Variants in VTA1 observed in about 807,000 individuals in gnomAD.
The protein encoded by VTA1 is vacuolar protein sorting-associated protein VTA1 homolog.
Under a neutral mutation model 36.9 loss-of-function variants are expected in VTA1, and 24 were observed. That is an observed-to-expected ratio of 0.65 (90% CI 0.47 to 0.91). The LOEUF is 0.91. Ranked by LOEUF, VTA1 falls within the 40% of genes least tolerant of loss-of-function variation. VTA1 has a pLI of 0.00. For missense variants in VTA1, 393 were observed against 377.2 expected (o/e 1.04, Z -0.35); for synonymous variants, 142 against 130.2 (o/e 1.09, Z -0.62).
intron 1 of VTA1, among the ~76,000 whole-genome samples, chr6:142,154,164 A>C (rs1424729600): frequency 6.6e-6 from 1 of 151,932 alleles, no homozygotes; most frequent in African/African-American, 2.4e-5. Flanking sequence ...CCTTTTCGCT[A>C]CCTCACCCCC....
At chr6:142,196,161 A>G (rs1233734283) in intron 5 of VTA1, among the ~76,000 whole-genome samples, 2 of 152,160 alleles carry the variant, frequency 1.3e-5, no homozygotes, top group East Asian at 1.9e-4. Flanking sequence ...ACATCCCACT[A>G]TATCTTGCTG....
chr6:142,147,491 C>G (rs1778471687), intron 1 of VTA1, 92 bp downstream of exon 1: 1 of 1,314,490 alleles, frequency 7.6e-7, no homozygotes, highest in East Asian at 2.5e-5. Context: ...TGCCCCGCCC[C>G]CCTCGCTTTA....
chr6:142,152,075 C>T (rs1778579539), intron 1 of VTA1, among the ~76,000 whole-genome samples: 1 of 151,568 alleles, frequency 6.6e-6, no homozygotes. Flanking sequence ...GAAAATAAAA[C>T]AGCTGATGAG....
At chr6:142,214,865 T>A (rs556994396) in intron 7 of VTA1, among the ~76,000 whole-genome samples, 2 of 152,322 alleles carry the variant, frequency 1.3e-5, no homozygotes, top group African/African-American at 4.8e-5. Context: ...AAGTCTTTTT[T>A]AAAAATAGTG....
chr6:142,197,927 A>T (rs1775586732), intron 5 of VTA1, among the ~76,000 whole-genome samples: 2 of 151,178 alleles, frequency 1.3e-5, no homozygotes, highest in Non-Finnish European at 1.5e-5. Flanking sequence ...ACAAAAAAAA[A>T]AAAACCAAAA....
At chr6:142,153,942 A>G (rs547231389) in intron 1 of VTA1, among the ~76,000 whole-genome samples, 3 of 152,244 alleles carry the variant, frequency 2.0e-5, no homozygotes, top group South Asian at 2.1e-4. Context: ...TTGCAAAACT[A>G]TAATAATGTA....
At chr6:142,158,997 GTAAAAA>G (rs1774716579) in intron 1 of VTA1, among the ~76,000 whole-genome samples, 1 of 151,940 alleles carries the variant, frequency 6.6e-6, no homozygotes, top group African/African-American at 2.4e-5. Flanking sequence ...TTTATAAAAT[GTAAAAA>G]TAAAAATTTT....
intron 4 of VTA1, among the ~76,000 whole-genome samples, chr6:142,176,901 A>G (rs1775136531): frequency 6.6e-6 from 1 of 152,098 alleles, no homozygotes; most frequent in South Asian, 2.1e-4. Context: ...CTGCACATTT[A>G]CTGAGGCAAT....
At chr6:142,204,965 C>A (rs898658520) in intron 7 of VTA1, among the ~76,000 whole-genome samples, 9 of 152,114 alleles carry the variant, frequency 5.9e-5, no homozygotes, top group African/African-American at 1.9e-4. Flanking sequence ...ACCTCATAAT[C>A]CGCCTGCCTC....
At chr6:142,185,009 C>A (rs1267791473) in intron 4 of VTA1, among the ~76,000 whole-genome samples, 2 of 151,984 alleles carry the variant, frequency 1.3e-5, no homozygotes, top group African/African-American at 4.8e-5. Context: ...TATCTTTATT[C>A]TCCAAGTATT....
At chr6:142,196,529 A>T (rs1039202143) in intron 5 of VTA1, among the ~76,000 whole-genome samples, 6 of 151,914 alleles carry the variant, frequency 3.9e-5, no homozygotes, top group Non-Finnish European at 2.9e-5. Context: ...CTAGATTTAA[A>T]CCTATTTTGC....
At position 142,163,897 on chromosome 6, in the gene VTA1, TAA is replaced by T. The variant is rs150484064; in HGVS notation, c.113-2330_113-2329del. ...ATATTGATGTACTAATACTGTATTA[TAA>T]GAGATATATAAAATAGAAATTTTTA... On this transcript the variant is annotated intron_variant, in intron 1 of 7. Transcript: ENST00000367630. Among the ~76,000 whole-genome samples, 604 of 152,266 alleles carry T rather than the reference TAA, an allele frequency of 4.0e-3. 3 individuals carry two copies. The highest frequency in any genetic ancestry group is 0.014 in the African/African-American group (576 of 41,560).
chr6:142,179,913 A>G (rs1775195658), intron 4 of VTA1, among the ~76,000 whole-genome samples: 5 of 152,120 alleles, frequency 3.3e-5, no homozygotes. Context: ...CAGTTTTCTC[A>G]CTTTTGGGGA....
chr6:142,205,345 A>G (rs225692), intron 7 of VTA1, among the ~76,000 whole-genome samples: 58,300 of 151,922 alleles, frequency 0.38, 13,275 homozygotes, highest in Middle Eastern at 0.54. Context: ...GTGTTACTTT[A>G]TCATTTCATT....
chr6:142,147,319 C>T lies in VTA1; in HGVS notation c.32C>T (p.Pro11Leu). Residue 11 changes from proline to leucine, a missense_variant, in exon 1 of 8, where the codon CCC (proline) becomes CTC (leucine). Coordinates refer to ENST00000367630, the MANE Select transcript of VTA1 (RefSeq NM_016485.5). ...GCGCTTGCACCGCTGCCCCCGCTCC[C>T]CGCACAGTTCAAGAGCATACAGCAT... Reference protein sequence around the residue: MAALAPLPPLPAQFKSIQHHL... With the variant: MAALAPLPPLLAQFKSIQHHL... 6.2e-7 allele frequency: 1 copy of T among 1,614,222 alleles called. No individual in the cohort carries two copies. Among genetic ancestry groups the T allele is most frequent in the African/African-American group, 1.3e-5 (1 of 75,068 alleles).
At chr6:142,215,285 A>G (rs1775985377) in intron 7 of VTA1, among the ~76,000 whole-genome samples, 1 of 152,012 alleles carries the variant, frequency 6.6e-6, no homozygotes, top group African/African-American at 2.4e-5. Flanking sequence ...AAAAAATTAC[A>G]AAAAAGTTAG....
At chr6:142,164,879 C>A (rs1774885177) in intron 1 of VTA1, among the ~76,000 whole-genome samples, 1 of 152,086 alleles carries the variant, frequency 6.6e-6, no homozygotes, top group Admixed American at 6.5e-5. Flanking sequence ...GTCCTAGATG[C>A]CAGGGATACA....
chr6:142,213,684 G>A (rs1445069836), intron 7 of VTA1, among the ~76,000 whole-genome samples: 1 of 152,194 alleles, frequency 6.6e-6, no homozygotes, highest in African/African-American at 2.4e-5. Flanking sequence ...CTTGCCTTCT[G>A]CGCACCCATA....
intron 1 of VTA1, among the ~76,000 whole-genome samples, chr6:142,153,275 A>G (rs1778601890): frequency 1.3e-5 from 2 of 152,082 alleles, no homozygotes; most frequent in African/African-American, 4.8e-5. Flanking sequence ...TATAGTATCT[A>G]AGACATGTTA....
Sources: gnomAD v4.1 joint callset for allele counts (sites outside exome capture counted in the v4.1 genomes callset) on GRCh38, gnomAD v4.1.1 for gene constraint, MANE v1.5 for transcripts, NCBI Gene and HGNC (gene_info 2026-07-23, HGNC 2026-07-21) for gene names.